Variants in VEZT observed in about 807,000 individuals in gnomAD.
VEZT encodes the protein vezatin, adherens junctions transmembrane protein.
VEZT carries 39 observed loss-of-function variants against 79.9 expected under a neutral mutation model. That is an observed-to-expected ratio of 0.49 (90% CI 0.38 to 0.64). The LOEUF (loss-of-function observed/expected upper bound fraction) is 0.64, where lower values mean the gene tolerates loss of function less well. Ranked by LOEUF, VEZT falls within the 30% of genes least tolerant of loss-of-function variation. The pLI, the probability that VEZT is intolerant of heterozygous loss-of-function variation, is 0.00. For synonymous variants in VEZT, 325 were observed against 327.6 expected (o/e 0.99, Z 0.09); for missense variants, 837 against 893.1 (o/e 0.94, Z 0.80).
intron 1 of VEZT, among the ~76,000 whole-genome samples, chr12:95,225,772 A>C (rs2058362888): frequency 8.6e-6 from 1 of 116,910 alleles, no homozygotes. Flanking sequence ...AAAAAAAAAA[A>C]AAAAAAAAAA....
chr12:95,230,858 A>T (rs1172856636), intron 1 of VEZT, among the ~76,000 whole-genome samples: 1 of 152,180 alleles, frequency 6.6e-6, no homozygotes, highest in African/African-American at 2.4e-5. Context: ...AACCAAGGGG[A>T]TATCAATCTA....
In VEZT at chr12:95,252,034, A is replaced by G; in HGVS notation, c.131A>G (p.Glu44Gly). Residue 44 changes from glutamate (E) to glycine (G), a missense_variant, in exon 2 of 12, where the codon GAG (glutamate) becomes GGG (glycine). Transcript: ENST00000436874. The stretch of plus-strand genomic sequence containing the variant: ...CCAAAAACAGAAAAATGCACAACAG[A>G]GGGACAACAAAAGCCTCCTACAAGA... Reference protein sequence around the residue: ...LSPKTEKCTTEGQQKPPTRVL... With the variant: ...LSPKTEKCTTGGQQKPPTRVL... 1 of 1,612,414 alleles carries G rather than the reference A, an allele frequency of 6.2e-7. No individual in the cohort carries two copies. The highest frequency in any genetic ancestry group is 8.5e-7 in the Non-Finnish European group (1 of 1,179,304).
intron 1 of VEZT, among the ~76,000 whole-genome samples, chr12:95,237,064 C>G (rs2060294866): frequency 6.6e-6 from 1 of 152,124 alleles, no homozygotes. Flanking sequence ...CAACTATACA[C>G]AGTACTACAT....
At position 95,273,413 on chromosome 12, in the gene VEZT, A is replaced by G. The variant is rs551222348; in HGVS notation, c.849-1329A>G. Among the ~76,000 whole-genome samples, 30 of 152,348 alleles carry G rather than the reference A, an allele frequency of 2.0e-4. No individual in the cohort carries two copies. In the South Asian group the frequency reaches 5.6e-3, roughly 28 times the overall value. On this transcript the variant is annotated intron_variant, in intron 6 of 11. Transcript: ENST00000436874. ...TTTATATTTGAATTTGCTCTTATGT[A>G]TGTATGCATAAACAATCTTAGAAGG...
intron 1 of VEZT, 78 bp downstream of exon 1, chr12:95,217,964 C>T (rs1399434862): frequency 7.2e-7 from 1 of 1,394,914 alleles, no homozygotes. Context: ...GCAAGGCGTT[C>T]CCGGGGCGAG....
intron 1 of VEZT, among the ~76,000 whole-genome samples, chr12:95,225,214 A>G (rs2058243463): frequency 6.6e-6 from 1 of 152,226 alleles, no homozygotes; most frequent in Non-Finnish European, 1.5e-5. Context: ...GAAGGCCTAC[A>G]GGATCAAGCT....
At position 95,265,781 on chromosome 12, in the gene VEZT, T is replaced by C. The variant is rs77535747; in HGVS notation, c.435-576T>C. On this transcript the variant is annotated intron_variant, in intron 4 of 11. Coordinates refer to ENST00000436874, the MANE Select transcript of VEZT (RefSeq NM_017599.4). ...GGTGTCAGAGGAAGGTTTGAACGCA[T>C]AGGATTTTGGTATTAAATATAAGAT... Among the ~76,000 whole-genome samples, 1,475 of 152,182 alleles carry C rather than the reference T, an allele frequency of 9.7e-3. 4 individuals carry two copies. The highest frequency in any genetic ancestry group is 0.017 in the Middle Eastern group (5 of 294).
At chr12:95,249,006 T>C (rs2062111914) in intron 1 of VEZT, among the ~76,000 whole-genome samples, 1 of 152,172 alleles carries the variant, frequency 6.6e-6, no homozygotes, top group Non-Finnish European at 1.5e-5. Context: ...TTGTGACATA[T>C]GAAAATTACA....
intron 10 of VEZT, among the ~76,000 whole-genome samples, chr12:95,295,837 C>T (rs1362720301): frequency 6.6e-6 from 1 of 152,092 alleles, no homozygotes; most frequent in Non-Finnish European, 1.5e-5. Context: ...ATCCACAATG[C>T]TTTTTAGTAT....
At chr12:95,291,485 T>C (rs1313786631) in intron 9 of VEZT, among the ~76,000 whole-genome samples, 1 of 152,242 alleles carries the variant, frequency 6.6e-6, no homozygotes, top group African/African-American at 2.4e-5. Context: ...GCAATTTTTT[T>C]CCTCTAAAGA....
chr12:95,252,010 CA>C lies in VEZT; in HGVS notation c.112del (p.Thr38GlnfsTer24). The C allele has an allele frequency of 1.2e-6, 2 of 1,612,064 alleles. No individual in the cohort carries two copies. The highest frequency in any genetic ancestry group is 2.2e-5 in the East Asian group (1 of 44,722). On this transcript the variant is annotated frameshift_variant, in exon 2 of 12. Coordinates refer to ENST00000436874, the MANE Select transcript of VEZT (RefSeq NM_017599.4). LOFTEE classifies it high-confidence loss of function. ...TTTGAAATATGTTCTTCTTTGTCAC[CA>C]AAAACAGAAAAATGCACAACAGAGG... ...TDFEICSSLS[P>X]KTEKCTTEGQ...
At chr12:95,236,747 C>T (rs980604119) in intron 1 of VEZT, among the ~76,000 whole-genome samples, 13 of 151,818 alleles carry the variant, frequency 8.6e-5, no homozygotes, top group Non-Finnish European at 1.3e-4. Flanking sequence ...CCACCACGCC[C>T]GGCTAATTTT....
rs2065581975 is a variant in VEZT at position 95,266,570 on chromosome 12, C to T, written c.648C>T (p.Asn216=). ...CCACAAACAGCCGAGCTTTTACTAACCTCGTGAGAAAAGCTTTACGTCTCA... is the reference window on the plus strand; with the variant it reads ...CCACAAACAGCCGAGCTTTTACTAATCTCGTGAGAAAAGCTTTACGTCTCA... The part of the protein sequence containing the change: ...DMATNSRAFT[N]LVRKALRLIQ... The change falls in exon 5 of 12, where the codon AAC becomes AAT. Residue 216 remains asparagine (N), a synonymous_variant. Coordinates refer to ENST00000436874, the MANE Select transcript of VEZT (RefSeq NM_017599.4). 5.0e-6 allele frequency: 8 copies of T among 1,613,806 alleles called. No homozygotes were observed. Among genetic ancestry groups the T allele is most frequent in the Non-Finnish European group, 6.8e-6 (8 of 1,179,822 alleles).
chr12:95,257,259 T>G lies in VEZT; in HGVS notation c.258+20T>G, dbSNP rs969401221. ...AAGTTGGTAAGTGGTCACTTCTTTT[T>G]GCCACTTTTCAGGGTTCTAGGTTAT... is the stretch of plus-strand genomic sequence containing the variant. On this transcript the variant is annotated intron_variant, in intron 3 of 11. Transcript: ENST00000436874. 4.5e-6 allele frequency: 7 copies of G among 1,570,996 alleles called. No individual in the cohort carries two copies. The highest frequency in any genetic ancestry group is 6.1e-6 in the Non-Finnish European group (7 of 1,151,254).
In VEZT at chr12:95,235,613, C is replaced by T. The variant is rs1307915693; in HGVS notation, c.37-16327C>T. ...GGGGCTCCTCACTTCCCAGTAGGGC[C>T]GGCCGGGCAGAGGCACCCCTCACCT... On this transcript the variant is annotated intron_variant, in intron 1 of 11. Transcript: ENST00000436874. 6.0e-4 allele frequency among the ~76,000 whole-genome samples: 85 copies of T among 142,368 alleles called. 2 individuals are homozygous for T. Among genetic ancestry groups the T allele is most frequent in the African/African-American group, 2.0e-3 (74 of 37,932 alleles). 93.4% of individuals were successfully genotyped at this position (142,368 alleles called of 152,430 possible). A position where few individuals can be genotyped will look rare whatever the true frequency, so the allele number is the denominator to read the frequency against.
At chr12:95,285,982 C>CTTTTTTTT (rs869030351) in intron 8 of VEZT, among the ~76,000 whole-genome samples, 2 of 85,854 alleles carry the variant, frequency 2.3e-5, no homozygotes, top group African/African-American at 4.1e-5. Flanking sequence ...CCGACCCCTT[C>CTTTTTTTT]TTTTTTTTTT....
intron 9 of VEZT, among the ~76,000 whole-genome samples, chr12:95,288,388 T>C (rs184842379): frequency 2.5e-3 from 378 of 152,298 alleles, no homozygotes; most frequent in Non-Finnish European, 3.1e-3. Context: ...ATATATAGTC[T>C]TGAGATTTTT....
intron 1 of VEZT, among the ~76,000 whole-genome samples, chr12:95,245,949 A>G (rs2061655083): frequency 6.6e-6 from 1 of 152,246 alleles, no homozygotes; most frequent in Non-Finnish European, 1.5e-5. Flanking sequence ...ATTGCACTCC[A>G]GCCTGGGTGA....
Position 95,300,376 on chromosome 12 carries a change from C to G in VEZT, c.2043C>G (p.Val681=). The change falls in exon 12 of 12, where the codon GTC becomes GTG. Residue 681 remains valine, a synonymous_variant. Transcript: ENST00000436874. The stretch of plus-strand genomic sequence containing the variant: ...ATAAAGATAATTCTTCAAATGAAGT[C>G]TTCCCCCAAGGAGCAGAAGAAAGAA... ...GKNKDNSSNE[V]FPQGAEERMC... is the part of the protein sequence containing the mutation. The G allele has an allele frequency of 6.2e-7, 1 of 1,613,790 alleles. No individual in the cohort carries two copies. Among genetic ancestry groups the G allele is most frequent in the Non-Finnish European group, 8.5e-7 (1 of 1,179,824 alleles).
Sources: allele counts gnomAD v4.1 joint callset (sites outside exome capture counted in the v4.1 genomes callset), GRCh38; gene constraint gnomAD v4.1.1; transcripts MANE v1.5; gene names NCBI Gene and HGNC (gene_info 2026-07-23, HGNC 2026-07-21).